Variants in DOCK3 observed in about 807,000 individuals in gnomAD.
DOCK3 encodes the protein dedicator of cytokinesis protein 3.
A neutral mutation model predicts 265.6 loss-of-function variants in DOCK3; 60 were observed. That is an observed-to-expected ratio of 0.23 (90% CI 0.18 to 0.28). DOCK3 has a LOEUF of 0.28. Among genes scored for constraint, DOCK3 ranks in the 10% least tolerant of loss-of-function variants. The probability of loss-of-function intolerance (pLI) is 1.00; values close to 1 mark genes in which losing one functional copy is unlikely to be tolerated. For synonymous variants in DOCK3, 881 were observed against 938.0 expected, an observed-to-expected ratio of 0.94 and a Z score of 1.11; for missense variants, 1,981 against 2,594.3, an observed-to-expected ratio of 0.76 and a Z score of 5.14.
chr3:50,813,044 A>G (rs2043859789), intron 2 of DOCK3, among the ~76,000 whole-genome samples: 2 of 152,246 alleles, frequency 1.3e-5, no homozygotes, highest in Admixed American at 1.3e-4. Flanking sequence ...AGAAAAAAAT[A>G]TACAAAAGCC....
At chr3:50,832,737 G>A (rs1260635825) in intron 2 of DOCK3, among the ~76,000 whole-genome samples, 1 of 152,064 alleles carries the variant, frequency 6.6e-6, no homozygotes, top group African/African-American at 2.4e-5. Context: ...TAATCCTAAG[G>A]TTAGTAGAGG....
At chr3:51,145,480 A>G (rs994151909) in intron 9 of DOCK3, among the ~76,000 whole-genome samples, 3 of 152,150 alleles carry the variant, frequency 2.0e-5, no homozygotes, top group Non-Finnish European at 4.4e-5. Context: ...ACATTTTTTA[A>G]GACCTAAAGC....
chr3:50,783,270 TTGTACCAGTTTA>T (rs1189919380), intron 2 of DOCK3, among the ~76,000 whole-genome samples: 1 of 152,156 alleles, frequency 6.6e-6, no homozygotes, highest in Non-Finnish European at 1.5e-5. Flanking sequence ...TTCATAGTGG[TTGTACCAGTTTA>T]TGTTCTCATC....
intron 1 of DOCK3, among the ~76,000 whole-genome samples, chr3:50,765,958 G>T (rs545923661): frequency 6.6e-6 from 1 of 151,640 alleles, no homozygotes; most frequent in South Asian, 2.1e-4. Context: ...TGGTAACCGC[G>T]GTCCTATTCT....
chr3:51,155,645 G>A (rs956577544), intron 10 of DOCK3, among the ~76,000 whole-genome samples: 3 of 152,146 alleles, frequency 2.0e-5, no homozygotes. Context: ...ACATTATTTG[G>A]CATGGCCTTT....
At chr3:51,152,320 C>T (rs550572833) in intron 10 of DOCK3, among the ~76,000 whole-genome samples, 34 of 152,230 alleles carry the variant, frequency 2.2e-4, no homozygotes, top group African/African-American at 7.2e-4. Flanking sequence ...ATGTAGCTCT[C>T]GAGCCATGGT....
intron 2 of DOCK3, among the ~76,000 whole-genome samples, chr3:50,779,622 G>A (rs1466095487): frequency 1.3e-5 from 2 of 152,106 alleles, no homozygotes; most frequent in African/African-American, 4.8e-5. Context: ...GACCTCAGCT[G>A]ATCCGCCTAC....
intron 3 of DOCK3, among the ~76,000 whole-genome samples, chr3:50,883,999 C>T (rs987960055): frequency 6.6e-6 from 1 of 151,952 alleles, no homozygotes; most frequent in Non-Finnish European, 1.5e-5. Flanking sequence ...TTTGCATCTG[C>T]CTTCTTTCAT....
chr3:50,927,131 G>C (rs1209396008), intron 4 of DOCK3, among the ~76,000 whole-genome samples: 1 of 152,090 alleles, frequency 6.6e-6, no homozygotes, highest in East Asian at 1.9e-4. Context: ...GGCTTCTATT[G>C]TTTCTTATGC....
intron 32 of DOCK3, among the ~76,000 whole-genome samples, chr3:51,320,335 C>G (rs2083623879): frequency 6.6e-6 from 1 of 152,240 alleles, no homozygotes; most frequent in South Asian, 2.1e-4. Flanking sequence ...GAGATTCCCT[C>G]CAGTGCCTAT....
At chr3:50,762,549 G>T (rs1434191769) in intron 1 of DOCK3, among the ~76,000 whole-genome samples, 1 of 152,092 alleles carries the variant, frequency 6.6e-6, no homozygotes. Flanking sequence ...AGGTAGGGCT[G>T]TATACTTTTA....
At chr3:50,962,713 T>C (rs76098846) in intron 5 of DOCK3, among the ~76,000 whole-genome samples, 1 of 11,730 alleles carries the variant, frequency 8.5e-5, no homozygotes, top group Admixed American at 4.5e-4. Flanking sequence ...CTAGGACTCT[T>C]TTTTATTTTT....
At chr3:51,240,916 T>G (rs1576503973) in intron 21 of DOCK3, among the ~76,000 whole-genome samples, 1 of 152,344 alleles carries the variant, frequency 6.6e-6, no homozygotes, top group African/African-American at 2.4e-5. Flanking sequence ...ATTGGGAAAT[T>G]TTATCCATTT....
intron 14 of DOCK3, among the ~76,000 whole-genome samples, chr3:51,217,744 C>G (rs1369692772): frequency 6.6e-6 from 1 of 152,058 alleles, no homozygotes; most frequent in Non-Finnish European, 1.5e-5. Flanking sequence ...TTCTGTAACT[C>G]CTGTGTCAGA....
intron 52 of DOCK3, 31 bp downstream of exon 52, chr3:51,380,238 CTG>C (rs2110625200): frequency 6.3e-7 from 1 of 1,595,570 alleles, no homozygotes; most frequent in East Asian, 2.2e-5. Flanking sequence ...CCCCACCAGG[CTG>C]TGAGATGAGT....
In DOCK3 at chr3:51,050,969, G is replaced by A. The variant is rs193172725; in HGVS notation, c.316-13479G>A. 3.7e-3 allele frequency among the ~76,000 whole-genome samples: 569 copies of A among 152,136 alleles called. 3 individuals carry two copies. The highest frequency in any genetic ancestry group is 4.1e-3 in the Non-Finnish European group (281 of 67,994). ...TGTTTTAATTTTTATTAAATTTTTA[G>A]CTTTACACTTTGTGATGTAACAGTT... On this transcript the variant is annotated intron_variant, in intron 5 of 52. Transcript: ENST00000266037.
chr3:50,899,923 A>G (rs1243386037), intron 4 of DOCK3, among the ~76,000 whole-genome samples: 3 of 151,694 alleles, frequency 2.0e-5, no homozygotes, highest in Non-Finnish European at 4.4e-5. Context: ...CTTCATTTCA[A>G]CCTTGGTAAA....
At chr3:51,079,247 T>G (rs531526884) in intron 7 of DOCK3, among the ~76,000 whole-genome samples, 1 of 152,276 alleles carries the variant, frequency 6.6e-6, no homozygotes, top group East Asian at 1.9e-4. Flanking sequence ...AAATGAAGCC[T>G]CCATGCAAAT....
intron 1 of DOCK3, among the ~76,000 whole-genome samples, chr3:50,699,739 G>A (rs1317420674): frequency 6.6e-6 from 1 of 152,176 alleles, no homozygotes; most frequent in African/African-American, 2.4e-5. Context: ...GAGGCTTGCA[G>A]TCAAGCCTGT....
Sources: allele counts gnomAD v4.1 joint callset (sites outside exome capture counted in the v4.1 genomes callset), GRCh38; gene constraint gnomAD v4.1.1; transcripts MANE v1.5; gene names NCBI Gene and HGNC (gene_info 2026-07-23, HGNC 2026-07-21).